The following THADA variants were observed in gnomAD, a reference collection of about 807,000 sequenced individuals.
THADA encodes the protein THADA armadillo repeat containing.
Under a neutral mutation model 219.8 loss-of-function variants are expected in THADA, and 213 were observed. That is an observed-to-expected ratio of 0.97 (90% confidence interval 0.87 to 1.09). The LOEUF (loss-of-function observed/expected upper bound fraction) is 1.09, where lower values mean the gene tolerates loss of function less well. Among genes scored for constraint, THADA ranks in the 50% least tolerant of loss-of-function variants. THADA has a pLI of 0.00. For synonymous variants in THADA, 1,018 were observed against 828.9 expected (o/e 1.23, Z -3.92); for missense variants, 2,956 against 2,311.3 (o/e 1.28, Z -5.72).
At chr2:43,584,418 G>C (rs1416646388) in intron 7 of THADA, among the ~76,000 whole-genome samples, 1 of 152,018 alleles carries the variant, frequency 6.6e-6, no homozygotes, top group African/African-American at 2.4e-5. Context: ...AAATAAAAAG[G>C]ACAGAACCCA....
intron 24 of THADA, among the ~76,000 whole-genome samples, chr2:43,504,355 C>T (rs934448892): frequency 1.3e-5 from 2 of 152,028 alleles, no homozygotes. Flanking sequence ...GGGATTCTTT[C>T]CCACAGTCCA....
At chr2:43,583,444 T>C (rs1334626704) in intron 7 of THADA, among the ~76,000 whole-genome samples, 1 of 152,192 alleles carries the variant, frequency 6.6e-6, no homozygotes, top group African/African-American at 2.4e-5. Context: ...TCCTTACCTC[T>C]CAGTTCTCAA....
At chr2:43,365,999 C>T (rs1047128063) in intron 29 of THADA, among the ~76,000 whole-genome samples, 63 of 152,158 alleles carry the variant, frequency 4.1e-4, no homozygotes, top group Middle Eastern at 3.4e-3. Context: ...AAGTGACTAA[C>T]GTGAATATTG....
At chr2:43,249,902 T>C (rs1354741141) in intron 36 of THADA, among the ~76,000 whole-genome samples, 1 of 152,244 alleles carries the variant, frequency 6.6e-6, no homozygotes, top group Admixed American at 6.5e-5. Flanking sequence ...ATTGTGCCAA[T>C]TCTCAGTGTC....
chr2:43,528,096 C>A, intron 21 of THADA, 108 bp from the exon 22 acceptor site: 1 of 605,326 alleles, frequency 1.7e-6, no homozygotes, highest in Non-Finnish European at 2.9e-6. Flanking sequence ...ATTCATTTAG[C>A]GCTTACCATA....
chr2:43,460,890 G>A (rs1683562304), intron 26 of THADA, among the ~76,000 whole-genome samples: 1 of 152,192 alleles, frequency 6.6e-6, no homozygotes, highest in South Asian at 2.1e-4. Flanking sequence ...AGGTCCTAAA[G>A]TATTCTAGGT....
chr2:43,316,351 C>T (rs1243525488), intron 31 of THADA, among the ~76,000 whole-genome samples: 3 of 151,890 alleles, frequency 2.0e-5, no homozygotes, highest in African/African-American at 7.3e-5. Flanking sequence ...TACAAGTGCT[C>T]AATATATCTC....
intron 30 of THADA, among the ~76,000 whole-genome samples, chr2:43,333,892 A>C (rs1010008283): frequency 6.6e-6 from 1 of 152,248 alleles, no homozygotes; most frequent in African/African-American, 2.4e-5. Flanking sequence ...GCTAAAGGAC[A>C]GTGGGAAAAT....
rs181481322 is a variant in THADA at position 43,478,265 on chromosome 2, C to T, written c.3836+6969G>A. ...AAATTCCTGAGATTTCCAAACTGTA[C>T]ATTACTCAAATCAGTAGTTACAAGG... On this transcript the variant is annotated intron_variant, in intron 26 of 37. Transcript: ENST00000405975. 1.8e-4 allele frequency among the ~76,000 whole-genome samples: 27 copies of T among 152,230 alleles called. No homozygotes were observed. The East Asian group carries it at 5.2e-3, about 29-fold the overall frequency.
chr2:43,282,872 C>T (rs991496790), intron 35 of THADA, among the ~76,000 whole-genome samples: 7 of 152,172 alleles, frequency 4.6e-5, no homozygotes, highest in African/African-American at 1.7e-4. Context: ...GAGACATGGA[C>T]GTGTACAACA....
intron 36 of THADA, among the ~76,000 whole-genome samples, chr2:43,253,024 A>G (rs1223674807): frequency 6.6e-6 from 1 of 150,996 alleles, no homozygotes; most frequent in East Asian, 1.9e-4. Context: ...CATTCTTGAT[A>G]ATCTTGACTT....
chr2:43,571,767 T>G lies in THADA; in HGVS notation c.2004A>C (p.Thr668=). 1.2e-6 allele frequency: 2 copies of G among 1,613,946 alleles called. No individual in the cohort carries two copies. Among genetic ancestry groups the G allele is most frequent in the Non-Finnish European group, 1.7e-6 (2 of 1,179,844 alleles). The change falls in exon 13 of 38, where the codon ACA becomes ACC. Residue 668 remains threonine (T), a synonymous_variant. Transcript: ENST00000405975. The part of the protein sequence containing the change: ...EEMQWIQFFI[T]YNLNSQSPGV... The stretch of plus-strand genomic sequence containing the variant: ...CTGGAGACTGGCTGTTAAGATTGTA[T>G]GTAATAAAGAACTGAATCCACTGCA...
At chr2:43,522,024 T>TA (rs1458235166) in intron 22 of THADA, among the ~76,000 whole-genome samples, 2 of 152,216 alleles carry the variant, frequency 1.3e-5, no homozygotes, top group African/African-American at 2.4e-5. Context: ...TTTTCTAACT[T>TA]AGAGATTTTC....
intron 17 of THADA, among the ~76,000 whole-genome samples, chr2:43,555,326 G>T (rs1273795295): frequency 6.6e-6 from 1 of 151,178 alleles, no homozygotes; most frequent in Non-Finnish European, 1.5e-5. Flanking sequence ...TATGACTTAA[G>T]GTAAGTGTGA....
chr2:43,586,859 T>A lies in THADA; in HGVS notation c.446A>T (p.Asn149Ile). The A allele has an allele frequency of 2.5e-6, 4 of 1,613,636 alleles. No homozygotes were observed. Among genetic ancestry groups the A allele is most frequent in the Non-Finnish European group, 8.5e-7 (1 of 1,179,762 alleles). The change falls in exon 5 of 38, where the codon AAC becomes ATC. Residue 149 changes from asparagine (N) to isoleucine (I), a missense_variant. Transcript: ENST00000405975. ...CTAGAAAAGTGCAGCCTTACCCAAG[T>A]TAAAGTTCTCCATACAGGAAGAAAT... ...DNISSCMENF[N>I]LGRASVNNLL...
At chr2:43,401,456 T>C (rs1278309471) in intron 28 of THADA, among the ~76,000 whole-genome samples, 1 of 152,200 alleles carries the variant, frequency 6.6e-6, no homozygotes, top group Non-Finnish European at 1.5e-5. Flanking sequence ...TTTTTTTTAT[T>C]TGTAGTAGAG....
intron 19 of THADA, among the ~76,000 whole-genome samples, chr2:43,551,558 G>C (rs1278835291): frequency 1.3e-5 from 2 of 149,524 alleles, no homozygotes; most frequent in East Asian, 3.9e-4. Context: ...CCCTGGGGTA[G>C]AAGGTACCGT....
At chr2:43,356,238 A>T (rs968904860) in intron 29 of THADA, among the ~76,000 whole-genome samples, 2 of 152,204 alleles carry the variant, frequency 1.3e-5, no homozygotes, top group Non-Finnish European at 2.9e-5. Flanking sequence ...GGGAAATGAT[A>T]TAGTTGGATT....
At chr2:43,340,403 G>A (rs1466045464) in intron 30 of THADA, among the ~76,000 whole-genome samples, 2 of 152,128 alleles carry the variant, frequency 1.3e-5, no homozygotes, top group Non-Finnish European at 2.9e-5. Flanking sequence ...TAGGACAAAA[G>A]TCTTCATTTT....
Sources: allele counts gnomAD v4.1 joint callset (sites outside exome capture counted in the v4.1 genomes callset), GRCh38; gene constraint gnomAD v4.1.1; transcripts MANE v1.5; gene names NCBI Gene and HGNC (gene_info 2026-07-23, HGNC 2026-07-21).